Variants in GTF3C4 observed in about 807,000 individuals in gnomAD.
GTF3C4 encodes the protein general transcription factor IIIC subunit 4.
Under a neutral mutation model 67.5 loss-of-function variants are expected in GTF3C4, and 28 were observed. That is an observed-to-expected ratio of 0.41 (90% CI 0.31 to 0.57). The LOEUF is 0.57. Ranked by LOEUF, GTF3C4 falls within the 20% of genes least tolerant of loss-of-function variation. The pLI, the probability that GTF3C4 is intolerant of heterozygous loss-of-function variation, is 0.21. For synonymous variants in GTF3C4, 409 were observed against 393.0 expected, an observed-to-expected ratio of 1.04 and a Z score of -0.48; for missense variants, 831 against 1,033.2, an observed-to-expected ratio of 0.80 and a Z score of 2.68.
Position 132,687,295 on chromosome 9 carries a change from A to G in GTF3C4, c.2372A>G (p.His791Arg), listed in dbSNP as rs139312188. ...TTGATATATAGAAGGTGTTTGCTCCATGACAGCATTGCCCGGCATCCAGCT... is the reference window on the plus strand; with the variant it reads ...TTGATATATAGAAGGTGTTTGCTCCGTGACAGCATTGCCCGGCATCCAGCT... ...QSLIYRRCLL[H>R]DSIARHPAPE... is the part of the protein sequence containing the mutation. Residue 791 changes from histidine to arginine, a missense_variant, in exon 4 of 5, where the codon CAT becomes CGT. By Grantham distance (29) the His-to-Arg change is conservative. Around this residue, in one of 4 missense-constraint regions of GTF3C4, gnomAD observed 129 missense variants for 213.8 expected, o/e 0.60. Transcript: ENST00000372146. 7.3e-7 allele frequency: 1 copy of G among 1,379,228 alleles called. No homozygotes were observed. The highest frequency in any genetic ancestry group is 1.1e-5 in the South Asian group (1 of 88,038). The allele number at this position is 1,379,228 out of a possible 1,614,324, so 85.4% of individuals were successfully genotyped here. A position where few individuals can be genotyped will look rare whatever the true frequency, so the allele number is the denominator to read the frequency against.
intron 3 of GTF3C4, among the ~76,000 whole-genome samples, chr9:132,685,926 T>TG (rs1422244282): frequency 6.6e-6 from 1 of 152,204 alleles, no homozygotes; most frequent in African/African-American, 2.4e-5. Context: ...GACAGTACAT[T>TG]GGGGAAAACC....
Position 132,678,250 on chromosome 9 carries a change from A to C in GTF3C4, c.631A>C (p.Ile211Leu), listed in dbSNP as rs1380072606. 6.2e-7 allele frequency: 1 copy of C among 1,614,170 alleles called. No homozygotes were observed. Among genetic ancestry groups the C allele is most frequent in the Non-Finnish European group, 8.5e-7 (1 of 1,180,032 alleles). The change falls in exon 2 of 5, where the codon ATC (isoleucine) becomes CTC (leucine). Residue 211 changes from isoleucine (I) to leucine (L), a missense_variant. Physicochemically the swap from Ile to Leu is conservative, Grantham distance 5. Coordinates refer to ENST00000372146, the MANE Select transcript of GTF3C4 (RefSeq NM_012204.4). This position sits in a 1 kb window ranked among gnomAD's most constrained non-coding sequence, Gnocchi z 6.5. Reference protein sequence around the residue: ...QWVQLVDLTEIYGERLYETSY... With the variant: ...QWVQLVDLTELYGERLYETSY... ...GGTCCAGCTGGTTGACCTGACTGAG[A>C]TCTATGGAGAACGTCTTTATGAGAC...
chr9:132,677,945 C>T (rs776206556), intron 1 of GTF3C4, 32 bp from the exon 2 acceptor site: 5 of 1,545,098 alleles, frequency 3.2e-6, no homozygotes, highest in Non-Finnish European at 4.4e-6. Flanking sequence ...AGTAAATGCT[C>T]ATCTGATAGT....
intron 2 of GTF3C4, among the ~76,000 whole-genome samples, chr9:132,682,595 C>CTTTTTTTTT (rs34962674): frequency 2.2e-5 from 2 of 92,572 alleles, no homozygotes; most frequent in African/African-American, 4.4e-5. Flanking sequence ...ACAGTATAAT[C>CTTTTTTTTT]TTTTTTTTTT....
intron 1 of GTF3C4, among the ~76,000 whole-genome samples, chr9:132,673,191 AGAAAG>A (rs1489681377): frequency 1.3e-5 from 2 of 152,152 alleles, no homozygotes; most frequent in South Asian, 2.1e-4. Flanking sequence ...TCAAAAAAAA[AGAAAG>A]AAAATATAAT....
At chr9:132,676,246 A>G (rs533553132) in intron 1 of GTF3C4, among the ~76,000 whole-genome samples, 1 of 149,862 alleles carries the variant, frequency 6.7e-6, no homozygotes, top group South Asian at 2.1e-4. Context: ...CAAACTATTC[A>G]TTTGTTAATA....
rs1414129888 is a variant in GTF3C4 at position 132,679,759 on chromosome 9, A to T, written c.2140A>T (p.Asn714Tyr). 1.2e-6 allele frequency: 2 copies of T among 1,613,464 alleles called. No individual in the cohort carries two copies. Among genetic ancestry groups the T allele is most frequent in the Admixed American group, 1.7e-5 (1 of 60,002 alleles). ...NTSIPTRGLC[N>Y]FLMSDEEYDD... Reference sequence around the variant, plus strand: ...TAGCATCCCCACCCGCGGACTCTGTAACTTTTTAATGTCTGATGAAGAGTA... The same window carrying T: ...TAGCATCCCCACCCGCGGACTCTGTTACTTTTTAATGTCTGATGAAGAGTA... Residue 714 changes from asparagine to tyrosine, a missense_variant, in exon 2 of 5, where the codon AAC becomes TAC. Transcript: ENST00000372146. The surrounding 1 kb of genome is among the most constrained non-coding windows in gnomAD (Gnocchi z 5.9).
intron 2 of GTF3C4, among the ~76,000 whole-genome samples, chr9:132,681,937 A>G (rs572418625): frequency 3.7e-4 from 56 of 150,540 alleles, no homozygotes; most frequent in African/African-American, 1.2e-3. Context: ...AGCCTGAGCA[A>G]CATGGTGAGA....
rs1275520100 is a variant in GTF3C4, at chr9:132,690,207, G to T, written c.*1262G>T. The T allele has an allele frequency of 6.6e-6, 1 of 152,354 alleles. No homozygotes were observed. Among genetic ancestry groups the T allele is most frequent in the African/African-American group, 2.4e-5 (1 of 41,440 alleles). 9.4% of individuals were successfully genotyped at this position (152,354 alleles called of 1,614,324 possible). ...ACCTGTAATCCCAGCACTTTGGGAG[G>T]CCGAGGCAGACGGGTCACTTGAGGC... On this transcript the variant is annotated 3_prime_UTR_variant, in exon 5 of 5. Coordinates refer to ENST00000372146, the MANE Select transcript of GTF3C4 (RefSeq NM_012204.4).
chr9:132,678,286 C>T lies in GTF3C4; in HGVS notation c.667C>T (p.Leu223Phe), dbSNP rs1835891700. 4.3e-6 allele frequency: 7 copies of T among 1,614,128 alleles called. No homozygotes were observed. The East Asian group carries it at 1.6e-4, about 36-fold the overall frequency. Residue 223 changes from leucine (L) to phenylalanine (F), a missense_variant, in exon 2 of 5, where the codon CTC (leucine) becomes TTC (phenylalanine). By Grantham distance (22) the Leu-to-Phe change is conservative. Transcript: ENST00000372146. The surrounding 1 kb of genome is among the most constrained non-coding windows in gnomAD (Gnocchi z 6.5). The stretch of plus-strand genomic sequence containing the variant: ...ACGTCTTTATGAGACCAGTTACAGG[C>T]TCTCTAAAAATGAGGCCCCGGAAGG... ...GERLYETSYR[L>F]SKNEAPEGNL...
At chr9:132,683,889 A>T (rs891732926) in intron 3 of GTF3C4, among the ~76,000 whole-genome samples, 196 bp downstream of exon 3, 1 of 152,124 alleles carries the variant, frequency 6.6e-6, no homozygotes, top group Non-Finnish European at 1.5e-5. Flanking sequence ...CTTTAAAGAC[A>T]GTTTTTTACT....
intron 2 of GTF3C4, among the ~76,000 whole-genome samples, chr9:132,680,310 G>T (rs532637453): frequency 6.6e-6 from 1 of 152,250 alleles, no homozygotes; most frequent in South Asian, 2.1e-4. Context: ...CTTTATTTTG[G>T]TAACAGAACA....
At chr9:132,671,298 C>G (rs77143022) in intron 1 of GTF3C4, among the ~76,000 whole-genome samples, 4 of 152,088 alleles carry the variant, frequency 2.6e-5, no homozygotes, top group Admixed American at 6.5e-5. Flanking sequence ...GACTCCACCC[C>G]CTGTAGATCC....
Position 132,678,676 on chromosome 9 carries a change from T to C in GTF3C4, c.1057T>C (p.Tyr353His). Residue 353 changes from tyrosine (Y) to histidine (H), a missense_variant, in exon 2 of 5, where the codon TAT becomes CAT. Transcript: ENST00000372146. The surrounding 1 kb of genome is among the most constrained non-coding windows in gnomAD (Gnocchi z 6.5). ...LPVNLKAVKG[Y>H]FTLRQPVILW... ...TGTCAATCTCAAAGCAGTCAAAGGC[T>C]ATTTCACTTTAAGGCAGCCTGTTAT... The C allele has an allele frequency of 6.2e-7, 1 of 1,614,138 alleles. No homozygotes were observed. Among genetic ancestry groups the C allele is most frequent in the Non-Finnish European group, 8.5e-7 (1 of 1,179,992 alleles).
At chr9:132,688,246 G>T (rs1421338746) in intron 4 of GTF3C4, among the ~76,000 whole-genome samples, 1 of 152,118 alleles carries the variant, frequency 6.6e-6, no homozygotes, top group African/African-American at 2.4e-5. Flanking sequence ...TCCTCCTGAT[G>T]GATTATTTTG....
intron 4 of GTF3C4, among the ~76,000 whole-genome samples, chr9:132,687,751 A>G (rs1836053446): frequency 6.6e-6 from 1 of 152,178 alleles, no homozygotes; most frequent in East Asian, 1.9e-4. Context: ...AGTAGCCATG[A>G]TGGGTTTTTT....
intron 1 of GTF3C4, among the ~76,000 whole-genome samples, chr9:132,671,425 G>T (rs1835756190): frequency 1.3e-5 from 2 of 152,162 alleles, no homozygotes; most frequent in Admixed American, 6.5e-5. Flanking sequence ...CTTCAGAAAA[G>T]AAAAACTGGT....
chr9:132,671,058 C>A (rs1835732213), intron 1 of GTF3C4, 103 bp downstream of exon 1: 1 of 799,066 alleles, frequency 1.3e-6, no homozygotes, highest in Non-Finnish European at 2.1e-6. Context: ...CCGGGGATTT[C>A]CCTCTTCGCA....
In GTF3C4 at chr9:132,679,467, T is replaced by G; in HGVS notation, c.1848T>G (p.Asn616Lys). The G allele has an allele frequency of 1.2e-6, 2 of 1,614,142 alleles. No homozygotes were observed. Among genetic ancestry groups the G allele is most frequent in the Non-Finnish European group, 1.7e-6 (2 of 1,180,026 alleles). ...TAGTGGATTCGCCTGGGATGGGCAA[T>G]GCTGACGATGAACAGCAGGAAGAAG... ...ILLVDSPGMG[N>K]ADDEQQEEGT... Residue 616 changes from asparagine (N) to lysine (K), a missense_variant, in exon 2 of 5, where the codon AAT becomes AAG. This residue lies in a region of GTF3C4 where 75 missense variants were observed against 66.4 expected (regional missense o/e 1.13). Transcript: ENST00000372146. This position sits in a 1 kb window ranked among gnomAD's most constrained non-coding sequence, Gnocchi z 5.9.
Sources: allele counts gnomAD v4.1 joint callset (sites outside exome capture counted in the v4.1 genomes callset), GRCh38; gene constraint gnomAD v4.1.1; regional missense constraint gnomAD v4.1.1; non-coding constraint Gnocchi (gnomAD v3.1); transcripts MANE v1.5; gene names NCBI Gene and HGNC (gene_info 2026-07-23, HGNC 2026-07-21).